Variants in ACVR1B observed in about 807,000 individuals in gnomAD.
ACVR1B encodes activin A receptor type 1B.
A neutral mutation model predicts 55.6 loss-of-function variants in ACVR1B; 15 were observed. The ratio of observed to expected loss-of-function variants is 0.27; its 90% CI spans 0.18 to 0.42. The LOEUF is 0.42. ACVR1B is among the 10% of genes least tolerant of loss of function. The pLI is 1.00. For synonymous variants in ACVR1B, 247 were observed against 254.6 expected, an observed-to-expected ratio of 0.97 and a Z score of 0.28; for missense variants, 359 against 670.1, an observed-to-expected ratio of 0.54 and a Z score of 5.13.
intron 1 of ACVR1B, among the ~76,000 whole-genome samples, chr12:51,961,835 C>G (rs1941534929): frequency 1.3e-5 from 2 of 152,172 alleles, no homozygotes; most frequent in Admixed American, 1.3e-4. Flanking sequence ...TCCTGATTGT[C>G]TAAATATGAC....
At chr12:51,985,894 C>T (rs1942067318) in intron 6 of ACVR1B, among the ~76,000 whole-genome samples, 1 of 152,082 alleles carries the variant, frequency 6.6e-6, no homozygotes, top group Non-Finnish European at 1.5e-5. Context: ...ATGGGACTGC[C>T]TTTTAATAGA....
At chr12:51,980,437 T>G (rs922436323) in intron 3 of ACVR1B, among the ~76,000 whole-genome samples, 1 of 152,220 alleles carries the variant, frequency 6.6e-6, no homozygotes, top group Non-Finnish European at 1.5e-5. Context: ...TCCTCCATTC[T>G]ACATCTGGAG....
chr12:51,979,536 C>T (rs1378280540), intron 3 of ACVR1B, among the ~76,000 whole-genome samples: 4 of 148,886 alleles, frequency 2.7e-5, no homozygotes, highest in Non-Finnish European at 5.9e-5. Context: ...GGGCAAAGAA[C>T]ATTCCAGGCC....
chr12:51,957,941 A>G (rs1165801756), intron 1 of ACVR1B, among the ~76,000 whole-genome samples: 1 of 152,194 alleles, frequency 6.6e-6, no homozygotes, highest in African/African-American at 2.4e-5. Flanking sequence ...CACTAAATAT[A>G]CTGCAGAAAG....
At chr12:51,983,470 A>AG (rs2120686918) in intron 4 of ACVR1B, among the ~76,000 whole-genome samples, 1 of 152,356 alleles carries the variant, frequency 6.6e-6, no homozygotes, top group Non-Finnish European at 1.5e-5. Flanking sequence ...TAGCCTGGTA[A>AG]GAACAACAGA....
At position 51,984,183 on chromosome 12, in the gene ACVR1B, A is replaced by C; in HGVS notation, c.979+17A>C. On this transcript the variant is annotated intron_variant, in intron 5 of 8. Coordinates refer to ENST00000257963, the MANE Select transcript of ACVR1B (RefSeq NM_004302.5). ...GCACCCAAGGTGAGTGGACTAGCGC[A>C]GGAGCGGCGAAGTGGTGTAGGCATG... is the stretch of plus-strand genomic sequence containing the variant. 6.2e-7 allele frequency: 1 copy of C among 1,613,838 alleles called. No homozygotes were observed. The highest frequency in any genetic ancestry group is 8.5e-7 in the Non-Finnish European group (1 of 1,179,946).
chr12:51,954,427 A>G (rs901083912), intron 1 of ACVR1B, among the ~76,000 whole-genome samples: 1 of 152,244 alleles, frequency 6.6e-6, no homozygotes, highest in African/African-American at 2.4e-5. Flanking sequence ...GAGATATTTG[A>G]CATTCTCATA....
Position 51,994,465 on chromosome 12 carries a change from T to C in ACVR1B, c.*355T>C. On this transcript the variant is annotated 3_prime_UTR_variant, in exon 9 of 9. Coordinates refer to ENST00000257963, the MANE Select transcript of ACVR1B (RefSeq NM_004302.5). The surrounding 1 kb of genome is among the most constrained non-coding windows in gnomAD (Gnocchi z 4.2). Reference sequence around the variant, plus strand: ...TTGGGAGGGGCCGGAGGAACCGAGGTGTTGCCAGTGCTAAGCTGCCCTGAG... The same window carrying C: ...TTGGGAGGGGCCGGAGGAACCGAGGCGTTGCCAGTGCTAAGCTGCCCTGAG... 7.1e-6 allele frequency: 2 copies of C among 283,456 alleles called. No homozygotes were observed. Among genetic ancestry groups the C allele is most frequent in the South Asian group, 7.3e-5 (2 of 27,452 alleles). 17.6% of individuals were successfully genotyped at this position (283,456 alleles called of 1,614,324 possible).
At chr12:51,962,088 TG>T (rs1941541096) in intron 1 of ACVR1B, among the ~76,000 whole-genome samples, 1 of 152,228 alleles carries the variant, frequency 6.6e-6, no homozygotes, top group Non-Finnish European at 1.5e-5. Context: ...AGGTTGAACT[TG>T]TTTAAACAGC....
intron 2 of ACVR1B, 42 bp downstream of exon 2, chr12:51,975,546 A>G (rs954658823): frequency 6.3e-7 from 1 of 1,593,404 alleles, no homozygotes; most frequent in African/African-American, 1.3e-5. Flanking sequence ...CAGCTTGGAG[A>G]TAGGGTACCC....
intron 5 of ACVR1B, 101 bp from the exon 6 acceptor site, chr12:51,985,091 G>A: frequency 7.9e-7 from 1 of 1,262,622 alleles, no homozygotes; most frequent in East Asian, 2.7e-5. Context: ...ATTAGCAGGA[G>A]GCAAAGCCAG....
chr12:51,952,071 C>T (rs904635447), intron 1 of ACVR1B, among the ~76,000 whole-genome samples: 6 of 152,078 alleles, frequency 3.9e-5, no homozygotes, highest in Admixed American at 1.3e-4. Flanking sequence ...CTGTTCCAGG[C>T]GGAACTGGAT....
At chr12:51,991,794 T>C in intron 7 of ACVR1B, 69 bp from the exon 8 acceptor site, 1 of 1,549,578 alleles carries the variant, frequency 6.5e-7, no homozygotes, top group Non-Finnish European at 8.8e-7. Flanking sequence ...AGTGTAGGTT[T>C]TGTCACCGGC....
At chr12:51,974,555 A>G (rs777531579) in intron 1 of ACVR1B, among the ~76,000 whole-genome samples, 15 of 152,182 alleles carry the variant, frequency 9.9e-5, no homozygotes, top group Non-Finnish European at 2.1e-4. Context: ...ATGCATGTGC[A>G]TGCTATCCAG....
chr12:51,984,222 G>T (rs1942036237), intron 5 of ACVR1B, 56 bp downstream of exon 5: 1 of 1,586,660 alleles, frequency 6.3e-7, no homozygotes, highest in Non-Finnish European at 8.6e-7. Context: ...GGTCCGCAGT[G>T]TCCTGATTTA....
chr12:51,979,755 T>C (rs915048228), intron 3 of ACVR1B, among the ~76,000 whole-genome samples: 3 of 152,068 alleles, frequency 2.0e-5, no homozygotes, highest in South Asian at 2.1e-4. Context: ...AAATGAATGT[T>C]CATTTTTTCC....
chr12:51,964,406 C>T (rs1404369138), intron 1 of ACVR1B, among the ~76,000 whole-genome samples: 1 of 152,170 alleles, frequency 6.6e-6, no homozygotes, highest in African/African-American at 2.4e-5. Flanking sequence ...TATATTTTCT[C>T]CTGTTCATTG....
In ACVR1B at chr12:51,993,985, G is replaced by A. The variant is rs1299012368; in HGVS notation, c.1393G>A (p.Ala465Thr). Residue 465 changes from alanine to threonine, a missense_variant and splice_region_variant, in exon 9 of 9, where the codon GCA (alanine) becomes ACA (threonine). Coordinates refer to ENST00000257963, the MANE Select transcript of ACVR1B (RefSeq NM_004302.5). ...TGATGGCTCCTGGGTCTCTGCACAG[G>A]CACTGCGGGTGATGGGGAAGATGAT... is the stretch of plus-strand genomic sequence containing the variant. ...NIPNWWQSYEALRVMGKMMRE... is the reference protein window; with the variant it reads ...NIPNWWQSYETLRVMGKMMRE... 1.2e-6 allele frequency: 2 copies of A among 1,613,814 alleles called. No homozygotes were observed. The highest frequency in any genetic ancestry group is 2.2e-5 in the East Asian group (1 of 44,864).
intron 1 of ACVR1B, among the ~76,000 whole-genome samples, chr12:51,973,905 A>T (rs1461208881): frequency 6.6e-6 from 1 of 152,200 alleles, no homozygotes; most frequent in Non-Finnish European, 1.5e-5. Context: ...AGAAAGCCTA[A>T]GGAAGGAGGG....
Sources: gnomAD v4.1 joint callset for allele counts (sites outside exome capture counted in the v4.1 genomes callset) on GRCh38, gnomAD v4.1.1 for gene constraint, Gnocchi (gnomAD v3.1) non-coding constraint, MANE v1.5 for transcripts, NCBI Gene and HGNC (gene_info 2026-07-23, HGNC 2026-07-21) for gene names.